The following COQ8B variants were observed in gnomAD, a reference collection of about 807,000 sequenced individuals.
COQ8B encodes the protein coenzyme Q8B, also known as atypical kinase COQ8B, mitochondrial.
COQ8B carries 44 observed loss-of-function variants against 62.0 expected under a neutral mutation model. That is an observed-to-expected ratio of 0.71 (90% CI 0.56 to 0.91). COQ8B has a LOEUF of 0.91. COQ8B is among the 40% of genes least tolerant of loss of function. The probability of loss-of-function intolerance (pLI) is 0.00; values close to 1 mark genes in which losing one functional copy is unlikely to be tolerated. For synonymous variants in COQ8B, 252 were observed against 289.9 expected, an observed-to-expected ratio of 0.87 and a Z score of 1.33; for missense variants, 649 against 731.6, an observed-to-expected ratio of 0.89 and a Z score of 1.30.
chr19:40,703,994 G>A (rs2082081707), intron 7 of COQ8B, 139 bp from the exon 8 acceptor site: 1 of 1,118,480 alleles, frequency 8.9e-7, no homozygotes. Flanking sequence ...CTTTGCAGAT[G>A]AGGAAACTGA....
Position 40,696,009 on chromosome 19 carries a change from A to T in COQ8B, c.1189T>A (p.Phe397Ile), listed in dbSNP as rs772185208. The change falls in exon 13 of 15, where the codon TTC becomes ATC. Residue 397 changes from phenylalanine to isoleucine, a missense_variant. Transcript: ENST00000324464. ...FGASREFGTE[F>I]TDHYIEVVKA... is the part of the protein sequence containing the mutation. ...CTCACCTCGATGTAATGGTCTGTGA[A>T]CTCTGTCCCAAACTCCCGGCTTGCA... The T allele has an allele frequency of 2.5e-6, 4 of 1,613,942 alleles. No homozygotes were observed. The highest frequency in any genetic ancestry group is 3.4e-6 in the Non-Finnish European group (4 of 1,180,020).
At position 40,705,374 on chromosome 19, in the gene COQ8B, A is replaced by G; in HGVS notation, c.441T>C (p.Cys147=). 1 of 1,602,130 alleles carries G rather than the reference A, an allele frequency of 6.2e-7. No individual in the cohort carries two copies. The highest frequency in any genetic ancestry group is 1.1e-5 in the South Asian group (1 of 90,704). ...CCTTGAGGGCGGCCCCTCGAACTGT[A>G]CATAAGGTCTGCACAATCCGCTCGG... ...ANAERIVQTL[C]TVRGAALKVG... Residue 147 remains cysteine (C), a synonymous_variant, in exon 6 of 15, where the codon TGT becomes TGC. Transcript: ENST00000324464.
At chr19:40,711,967 C>G (rs1468083823) in intron 4 of COQ8B, among the ~76,000 whole-genome samples, 4 of 152,104 alleles carry the variant, frequency 2.6e-5, no homozygotes, top group Non-Finnish European at 4.4e-5. Context: ...TGCCAAAGCT[C>G]TAACCAGTGC....
At chr19:40,697,841 T>G (rs1006190629) in intron 12 of COQ8B, among the ~76,000 whole-genome samples, 637 of 46,862 alleles carry the variant, frequency 0.014, 6 homozygotes, top group African/African-American at 0.044. Flanking sequence ...TATATATATA[T>G]ATATATATAT....
chr19:40,714,805 T>C, intron 1 of COQ8B, 170 bp from the exon 2 acceptor site: 1 of 1,338,534 alleles, frequency 7.5e-7, no homozygotes, highest in East Asian at 3.0e-5. Flanking sequence ...TAGGAACCCT[T>C]AGCTCTTCCT....
chr19:40,707,421 T>A (rs907550356), intron 5 of COQ8B, among the ~76,000 whole-genome samples: 2 of 152,134 alleles, frequency 1.3e-5, no homozygotes, highest in Admixed American at 1.3e-4. Context: ...TCATTCAATA[T>A]GTGGTTTTTC....
At position 40,713,687 on chromosome 19, in the gene COQ8B, G is replaced by T. The variant is rs1568444074; in HGVS notation, c.289+380C>A. On this transcript the variant is annotated intron_variant, in intron 4 of 14. Transcript: ENST00000324464. ...GCCAAGACGGTGCCACTGCACTCCA[G>T]CCTGGGCAACAGAGCGAGACTCTGT... is the stretch of plus-strand genomic sequence containing the variant. Among the ~76,000 whole-genome samples the T allele has an allele frequency of 7.4e-4, 112 of 151,156 alleles. 1 individual carries two copies. The highest frequency in any genetic ancestry group is 2.4e-3 in the African/African-American group (97 of 40,942).
intron 13 of COQ8B, among the ~76,000 whole-genome samples, chr19:40,695,387 G>C (rs2082006966): frequency 1.3e-5 from 2 of 150,828 alleles, no homozygotes; most frequent in African/African-American, 4.9e-5. Flanking sequence ...TACATGATTA[G>C]AGGACCCAGG....
chr19:40,696,184 T>G (rs1397379080), intron 12 of COQ8B, 130 bp from the exon 13 acceptor site: 9 of 999,520 alleles, frequency 9.0e-6, no homozygotes, highest in Non-Finnish European at 1.4e-5. Context: ...CCTGGCTGCC[T>G]CACTGGGCTC....
At chr19:40,712,433 CA>C (rs1449148943) in intron 4 of COQ8B, among the ~76,000 whole-genome samples, 1 of 143,300 alleles carries the variant, frequency 7.0e-6, no homozygotes, top group Non-Finnish European at 1.5e-5. Context: ...AAAAAAACAA[CA>C]AAAAATAGTT....
intron 13 of COQ8B, 78 bp downstream of exon 13, chr19:40,695,911 C>G: frequency 7.1e-7 from 1 of 1,409,222 alleles, no homozygotes; most frequent in Non-Finnish European, 1.0e-6. Context: ...AACTGCATTT[C>G]GCCTTCTTAC....
At chr19:40,703,418 G>T in intron 9 of COQ8B, 123 bp downstream of exon 9, 1 of 1,021,464 alleles carries the variant, frequency 9.8e-7, no homozygotes. Context: ...TTCTGTCTCT[G>T]ACACTCCCGC....
At chr19:40,692,715 C>A (rs374605758) in intron 14 of COQ8B, among the ~76,000 whole-genome samples, 78 of 152,060 alleles carry the variant, frequency 5.1e-4, no homozygotes, top group African/African-American at 1.7e-3. Flanking sequence ...CACCTCCCCC[C>A]ACTCCTCCCC....
At chr19:40,695,965 C>G (rs751059382) in intron 13 of COQ8B, 24 bp downstream of exon 13, 1 of 1,613,340 alleles carries the variant, frequency 6.2e-7, no homozygotes, top group Non-Finnish European at 8.5e-7. Context: ...CTTTCAGAGG[C>G]CCTGGGGTCT....
rs773711662 is a variant in COQ8B at position 40,700,063 on chromosome 19, C to T, written c.1143+4G>A. The T allele has an allele frequency of 3.7e-6, 6 of 1,613,972 alleles. No individual in the cohort carries two copies. The South Asian group carries it at 4.4e-5, about 12-fold the overall frequency. ...TACCCAGACACACATCACTAGGAAC[C>T]AACCTGGTGGCTGGAGGCATCATAC... On this transcript the variant is annotated splice_donor_region_variant and intron_variant, in intron 12 of 14. Transcript: ENST00000324464.
chr19:40,700,118 C>G lies in COQ8B; in HGVS notation c.1092G>C (p.Met364Ile), dbSNP rs2086304691. Residue 364 changes from methionine to isoleucine, a missense_variant, in exon 12 of 15, where the codon ATG becomes ATC. Coordinates refer to ENST00000324464, the MANE Select transcript of COQ8B (RefSeq NM_024876.4). Reference sequence around the variant, plus strand: ...AGTTGGCCCAGTTGGGGTCAGTCTGCATGAATCGGAACTCAAACAGCTCCC... The same window carrying G: ...AGTTGGCCCAGTTGGGGTCAGTCTGGATGAATCGGAACTCAAACAGCTCCC... ...CLRELFEFRF[M>I]QTDPNWANFL... 1 of 1,614,260 alleles carries G rather than the reference C, an allele frequency of 6.2e-7. No homozygotes were observed.
intron 9 of COQ8B, 129 bp downstream of exon 9, chr19:40,703,412 G>T (rs771751910): frequency 1.0e-6 from 1 of 962,548 alleles, no homozygotes; most frequent in Non-Finnish European, 1.5e-6. Flanking sequence ...TGTCCTTTCT[G>T]TCTCTGACAC....
chr19:40,693,280 G>C lies in COQ8B; in HGVS notation c.1210-243C>G, dbSNP rs947882033. 9.2e-5 allele frequency among the ~76,000 whole-genome samples: 14 copies of C among 152,180 alleles called. 1 individual carries two copies. The highest frequency in any genetic ancestry group is 2.9e-4 in the African/African-American group (12 of 41,442). Reference sequence around the variant, plus strand: ...CCACCTAGAGGGCAATGTGGGGCCTGCCCGGGAACTGCCACAGTGAAACAG... The same window carrying C: ...CCACCTAGAGGGCAATGTGGGGCCTCCCCGGGAACTGCCACAGTGAAACAG... On this transcript the variant is annotated intron_variant, in intron 13 of 14. Coordinates refer to ENST00000324464, the MANE Select transcript of COQ8B (RefSeq NM_024876.4).
At chr19:40,713,376 G>A (rs2082157304) in intron 4 of COQ8B, among the ~76,000 whole-genome samples, 3 of 152,026 alleles carry the variant, frequency 2.0e-5, no homozygotes, top group South Asian at 4.1e-4. Context: ...GTGAAACCCC[G>A]TCTCTACTAA....
Sources: gnomAD v4.1 joint callset for allele counts (sites outside exome capture counted in the v4.1 genomes callset) on GRCh38, gnomAD v4.1.1 for gene constraint, MANE v1.5 for transcripts, NCBI Gene and HGNC (gene_info 2026-07-23, HGNC 2026-07-21) for gene names.